PRIMPOL: variants seen among roughly 807,000 people sequenced by gnomAD.
PRIMPOL encodes the protein primase and DNA directed polymerase.
Under a neutral mutation model 63.6 loss-of-function variants are expected in PRIMPOL, and 54 were observed. The observed-to-expected ratio is 0.85, with a 90% CI of 0.68 to 1.07. The LOEUF (loss-of-function observed/expected upper bound fraction) is 1.07. Among genes scored for constraint, PRIMPOL ranks in the 50% least tolerant of loss-of-function variants. The pLI, the probability that PRIMPOL is intolerant of heterozygous loss-of-function variation, is 0.00. For synonymous variants in PRIMPOL, 197 were observed against 220.2 expected (o/e 0.89, Z 0.93); for missense variants, 610 against 648.3 (o/e 0.94, Z 0.64).
chr4:184,675,784 T>C (rs913708798), intron 7 of PRIMPOL, among the ~76,000 whole-genome samples: 2 of 152,046 alleles, frequency 1.3e-5, no homozygotes, highest in Non-Finnish European at 2.9e-5. Flanking sequence ...ACCACTGCAC[T>C]CCAGCCTGGG....
intron 5 of PRIMPOL, among the ~76,000 whole-genome samples, chr4:184,663,024 A>ATTATTATTC (rs957512158): frequency 9.5e-5 from 13 of 136,416 alleles, no homozygotes; most frequent in South Asian, 4.5e-4. Flanking sequence ...AACCTTTATT[A>ATTATTATTC]TTATTATTAT....
chr4:184,661,913 C>G lies in PRIMPOL; in HGVS notation c.408+10C>G. On this transcript the variant is annotated intron_variant, in intron 5 of 13. Coordinates refer to ENST00000314970, the MANE Select transcript of PRIMPOL (RefSeq NM_152683.4). ...TGCATTACTCATTGAGGTAAATGGCCAACTCAAGTTTTTCTTATTTCTATC... is the reference window on the plus strand; with the variant it reads ...TGCATTACTCATTGAGGTAAATGGCGAACTCAAGTTTTTCTTATTTCTATC... 6.4e-7 allele frequency: 1 copy of G among 1,574,386 alleles called. No individual in the cohort carries two copies. The highest frequency in any genetic ancestry group is 8.6e-7 in the Non-Finnish European group (1 of 1,165,172).
At chr4:184,685,311 G>A in intron 9 of PRIMPOL, 98 bp from the exon 10 acceptor site, 1 of 847,328 alleles carries the variant, frequency 1.2e-6, no homozygotes, top group Non-Finnish European at 2.0e-6. Context: ...AAGGCTGAGA[G>A]ATTGCAAAAC....
chr4:184,683,116 G>C (rs1481761433), intron 9 of PRIMPOL, among the ~76,000 whole-genome samples: 1 of 151,928 alleles, frequency 6.6e-6, no homozygotes, highest in Non-Finnish European at 1.5e-5. Flanking sequence ...AATGGAAAAA[G>C]TATGAGAAAG....
At chr4:184,661,434 T>C (rs1748270896) in intron 4 of PRIMPOL, among the ~76,000 whole-genome samples, 1 of 152,060 alleles carries the variant, frequency 6.6e-6, no homozygotes, top group Non-Finnish European at 1.5e-5. Context: ...AGGCTGGGCG[T>C]GGTGGCTCAT....
intron 5 of PRIMPOL, among the ~76,000 whole-genome samples, chr4:184,664,068 C>T (rs1036906234): frequency 3.3e-5 from 5 of 152,152 alleles, no homozygotes; most frequent in Admixed American, 1.3e-4. Context: ...CATTTCAGGG[C>T]AACATTGTCC....
rs1490318393 is a variant in PRIMPOL at position 184,682,280 on chromosome 4, A to G, written c.1040A>G (p.Glu347Gly). The G allele has an allele frequency of 6.2e-7, 1 of 1,603,716 alleles. No homozygotes were observed. The highest frequency in any genetic ancestry group is 1.1e-5 in the South Asian group (1 of 90,516). ...FSDTLRILTC[E>G]PSQNKQKGVG... ...GATACTTTACGAATTCTTACATGTG[A>G]GCCATCTCAGAATAAACAAAAAGGA... Residue 347 changes from glutamate (E) to glycine (G), a missense_variant, in exon 9 of 14, where the codon GAG becomes GGG. This residue lies in a region of PRIMPOL where 444 missense variants were observed against 456.4 expected (regional missense o/e 0.97). Coordinates refer to ENST00000314970, the MANE Select transcript of PRIMPOL (RefSeq NM_152683.4).
At chr4:184,662,910 CA>C (rs1222889898) in intron 5 of PRIMPOL, among the ~76,000 whole-genome samples, 3 of 150,338 alleles carry the variant, frequency 2.0e-5, no homozygotes, top group South Asian at 2.1e-4. Flanking sequence ...CCACCACCCC[CA>C]AAAAAAACCC....
At chr4:184,692,608 A>G (rs1027036732) in intron 13 of PRIMPOL, among the ~76,000 whole-genome samples, 19 of 150,366 alleles carry the variant, frequency 1.3e-4, no homozygotes, top group African/African-American at 4.0e-4. Flanking sequence ...TCGAGAATTT[A>G]TGTATGCTCA....
intron 4 of PRIMPOL, among the ~76,000 whole-genome samples, chr4:184,660,792 T>G (rs1043262532): frequency 6.6e-6 from 1 of 152,224 alleles, no homozygotes; most frequent in African/African-American, 2.4e-5. Context: ...TACCACCTGA[T>G]GATACAATTT....
At chr4:184,674,653 T>C (rs1424105650) in intron 7 of PRIMPOL, among the ~76,000 whole-genome samples, 2 of 152,226 alleles carry the variant, frequency 1.3e-5, no homozygotes, top group African/African-American at 4.8e-5. Context: ...ACCGGAAGCC[T>C]CATTGATAAC....
At chr4:184,655,629 A>C (rs924597443) in intron 2 of PRIMPOL, among the ~76,000 whole-genome samples, 2 of 151,948 alleles carry the variant, frequency 1.3e-5, no homozygotes, top group Non-Finnish European at 2.9e-5. Context: ...CCCCTTTCTT[A>C]ATCTTTTAGG....
chr4:184,663,125 A>G (rs1748866960), intron 5 of PRIMPOL, among the ~76,000 whole-genome samples: 2 of 151,076 alleles, frequency 1.3e-5, no homozygotes, highest in South Asian at 4.2e-4. Context: ...GCTCACTGCA[A>G]TCTCTGCCTC....
chr4:184,663,919 G>A (rs1749086268), intron 5 of PRIMPOL, among the ~76,000 whole-genome samples: 1 of 152,140 alleles, frequency 6.6e-6, no homozygotes, highest in South Asian at 2.1e-4. Context: ...TAGCTCTTAT[G>A]CTAATTTAGC....
At chr4:184,651,356 C>T (rs935018584) in intron 1 of PRIMPOL, among the ~76,000 whole-genome samples, 2 of 151,852 alleles carry the variant, frequency 1.3e-5, no homozygotes, top group Non-Finnish European at 2.9e-5. Context: ...AGGAGTTAAA[C>T]TCAGATCCCA....
At chr4:184,675,413 CTT>C (rs1470619944) in intron 7 of PRIMPOL, among the ~76,000 whole-genome samples, 2 of 152,248 alleles carry the variant, frequency 1.3e-5, no homozygotes, top group African/African-American at 4.8e-5. Flanking sequence ...TCATGACACA[CTT>C]AACTTTTTCT....
chr4:184,658,027 TAA>T lies in PRIMPOL; in HGVS notation c.180+709_180+710del, dbSNP rs1295956179. 8.1e-3 allele frequency among the ~76,000 whole-genome samples: 1,195 copies of T among 147,304 alleles called. 19 individuals carry two copies. Among genetic ancestry groups the T allele is most frequent in the African/African-American group, 0.028 (1,109 of 40,032 alleles). ...ATAAATAAATAAATAAATAAATAAA[TAA>T]ATAAATATCACTAAATCAAGCAACA... On this transcript the variant is annotated intron_variant, in intron 3 of 13. Transcript: ENST00000314970.
At chr4:184,654,521 G>T (rs968481736) in intron 2 of PRIMPOL, among the ~76,000 whole-genome samples, 3 of 139,622 alleles carry the variant, frequency 2.1e-5, no homozygotes, top group African/African-American at 8.1e-5. Flanking sequence ...CACGATCTTG[G>T]CTCACTGCAA....
intron 7 of PRIMPOL, among the ~76,000 whole-genome samples, chr4:184,676,030 A>G (rs372959628): frequency 7.5e-4 from 114 of 152,288 alleles, no homozygotes; most frequent in African/African-American, 2.7e-3. Flanking sequence ...ATCTTGTTAA[A>G]GAAACGTGGC....
Sources: allele counts gnomAD v4.1 joint callset (sites outside exome capture counted in the v4.1 genomes callset), GRCh38; gene constraint gnomAD v4.1.1; regional missense constraint gnomAD v4.1.1; transcripts MANE v1.5; gene names NCBI Gene and HGNC (gene_info 2026-07-23, HGNC 2026-07-21).